The following NELL1 variants were observed in gnomAD, a reference collection of about 807,000 sequenced individuals.
NELL1 encodes the protein protein kinase C-binding protein NELL1.
A neutral mutation model predicts 107.4 loss-of-function variants in NELL1; 76 were observed. The observed-to-expected ratio is 0.71, with a 90% CI of 0.59 to 0.86. The LOEUF is 0.86. Ranked by LOEUF, NELL1 falls within the 40% of genes least tolerant of loss-of-function variation. The pLI is 0.00. For missense variants in NELL1, 1,024 were observed against 1,005.5 expected, an observed-to-expected ratio of 1.02 and a Z score of -0.25; for synonymous variants, 353 against 341.2, an observed-to-expected ratio of 1.03 and a Z score of -0.38.
chr11:21,485,514 G>C (rs1854603017), intron 15 of NELL1, among the ~76,000 whole-genome samples: 1 of 151,972 alleles, frequency 6.6e-6, no homozygotes. Context: ...AGACCAGGAA[G>C]GGAGAAGGGA....
chr11:20,722,824 A>G (rs1480700110), intron 2 of NELL1, among the ~76,000 whole-genome samples: 4 of 152,216 alleles, frequency 2.6e-5, no homozygotes, highest in South Asian at 2.1e-4. Flanking sequence ...TCACACTGCT[A>G]TAAAGATACT....
At chr11:21,486,271 AC>A in intron 15 of NELL1, among the ~76,000 whole-genome samples, 1 of 152,236 alleles carries the variant, frequency 6.6e-6, no homozygotes, top group Non-Finnish European at 1.5e-5. Flanking sequence ...GGACCCGAAG[AC>A]TGGCCCACCT....
intron 15 of NELL1, among the ~76,000 whole-genome samples, chr11:21,459,781 G>A (rs1433150549): frequency 1.3e-5 from 2 of 152,034 alleles, no homozygotes; most frequent in East Asian, 3.9e-4. Context: ...AAAATGTGAG[G>A]TAGAGGAGAG....
At chr11:21,184,424 C>T (rs932731104) in intron 13 of NELL1, among the ~76,000 whole-genome samples, 1 of 151,644 alleles carries the variant, frequency 6.6e-6, no homozygotes, top group Middle Eastern at 3.2e-3. Context: ...AGGTGCCCAC[C>T]ATGACCGGCT....
chr11:21,441,659 T>C (rs1853288300), intron 15 of NELL1, among the ~76,000 whole-genome samples: 1 of 151,924 alleles, frequency 6.6e-6, no homozygotes, highest in Non-Finnish European at 1.5e-5. Context: ...CAATGAAAAA[T>C]TGAAAAAAAT....
chr11:21,076,317 A>T (rs1276251012), intron 12 of NELL1, among the ~76,000 whole-genome samples: 1 of 152,184 alleles, frequency 6.6e-6, no homozygotes, highest in Non-Finnish European at 1.5e-5. Context: ...CCTCACTTTC[A>T]TCCACTAGAG....
intron 13 of NELL1, among the ~76,000 whole-genome samples, chr11:21,205,408 A>G (rs562143830): frequency 1.3e-5 from 2 of 152,318 alleles, no homozygotes; most frequent in South Asian, 2.1e-4. Context: ...CTTTGTTTAC[A>G]CCGTGAGGGT....
At chr11:21,543,526 G>A (rs1856347326) in intron 16 of NELL1, among the ~76,000 whole-genome samples, 2 of 151,916 alleles carry the variant, frequency 1.3e-5, no homozygotes, top group Admixed American at 1.3e-4. Flanking sequence ...GAGAGGTTAA[G>A]AACATTTTGC....
chr11:21,104,275 C>T (rs1429466802), intron 12 of NELL1, among the ~76,000 whole-genome samples: 2 of 152,120 alleles, frequency 1.3e-5, no homozygotes, highest in African/African-American at 4.8e-5. Context: ...TCCGTGTGGA[C>T]ATTTAACATC....
chr11:20,997,406 G>A (rs560053199), intron 12 of NELL1, among the ~76,000 whole-genome samples: 1 of 152,300 alleles, frequency 6.6e-6, no homozygotes, highest in Non-Finnish European at 1.5e-5. Flanking sequence ...CCCAAGTCAG[G>A]CTGAAAAAGA....
intron 2 of NELL1, among the ~76,000 whole-genome samples, chr11:20,774,674 A>C (rs1401031566): frequency 6.6e-6 from 1 of 152,198 alleles, no homozygotes; most frequent in African/African-American, 2.4e-5. Flanking sequence ...GGGAATGCTC[A>C]GTAAGGGTTT....
chr11:21,132,095 C>A (rs1353655941), intron 13 of NELL1, among the ~76,000 whole-genome samples: 1 of 152,152 alleles, frequency 6.6e-6, no homozygotes, highest in Non-Finnish European at 1.5e-5. Flanking sequence ...TAAACTGGTG[C>A]CCACAGAGCC....
intron 3 of NELL1, among the ~76,000 whole-genome samples, chr11:20,820,729 T>C (rs920803699): frequency 6.6e-6 from 1 of 152,144 alleles, no homozygotes; most frequent in Non-Finnish European, 1.5e-5. Context: ...AAGAATAGAA[T>C]ACCCTTTTCC....
intron 5 of NELL1, among the ~76,000 whole-genome samples, chr11:20,888,107 G>A (rs1266447365): frequency 6.6e-6 from 1 of 152,038 alleles, no homozygotes; most frequent in Non-Finnish European, 1.5e-5. Flanking sequence ...AGATACAGTT[G>A]TTGAAGTTAA....
At chr11:21,389,419 C>A (rs1308034880) in intron 15 of NELL1, among the ~76,000 whole-genome samples, 1 of 151,808 alleles carries the variant, frequency 6.6e-6, no homozygotes, top group Non-Finnish European at 1.5e-5. Context: ...TTAGCAGAAT[C>A]ATTATTCAGT....
At chr11:21,249,062 C>T (rs536814855) in intron 14 of NELL1, among the ~76,000 whole-genome samples, 2 of 152,102 alleles carry the variant, frequency 1.3e-5, no homozygotes, top group South Asian at 2.1e-4. Flanking sequence ...TCAGGACCAC[C>T]CCCTAGTTTT....
At chr11:21,347,183 A>G (rs1850701161) in intron 14 of NELL1, among the ~76,000 whole-genome samples, 1 of 152,148 alleles carries the variant, frequency 6.6e-6, no homozygotes, top group African/African-American at 2.4e-5. Context: ...TTGACATTTG[A>G]GTGGAGAAGA....
chr11:20,943,118 T>A (rs1023068439), intron 10 of NELL1, among the ~76,000 whole-genome samples: 5 of 151,816 alleles, frequency 3.3e-5, no homozygotes, highest in African/African-American at 1.2e-4. Flanking sequence ...CTTGCACAGG[T>A]AGTGTGTGTG....
At chr11:21,228,372 A>G (rs926237051) in intron 13 of NELL1, among the ~76,000 whole-genome samples, 1 of 152,174 alleles carries the variant, frequency 6.6e-6, no homozygotes, top group Non-Finnish European at 1.5e-5. Context: ...CTGAATATAT[A>G]TAACCCATAT....
Sources: gnomAD v4.1 joint callset for allele counts (sites outside exome capture counted in the v4.1 genomes callset) on GRCh38, gnomAD v4.1.1 for gene constraint, MANE v1.5 for transcripts, NCBI Gene and HGNC (gene_info 2026-07-23, HGNC 2026-07-21) for gene names.